C1QTNF3: variants seen among roughly 807,000 people sequenced by gnomAD.
The protein encoded by C1QTNF3 is complement C1q tumor necrosis factor-related protein 3.
In C1QTNF3, 26 loss-of-function variants were observed where a neutral mutation model predicts 32.6. That is an observed-to-expected ratio of 0.80 (90% confidence interval 0.58 to 1.11). The LOEUF (loss-of-function observed/expected upper bound fraction) is 1.11, where lower values mean the gene tolerates loss of function less well. Among genes scored for constraint, C1QTNF3 ranks in the 50% least tolerant of loss-of-function variants. The probability of loss-of-function intolerance (pLI) is 0.00; values close to 1 mark genes in which losing one functional copy is unlikely to be tolerated. For synonymous variants in C1QTNF3, 155 were observed against 146.0 expected (o/e 1.06, Z -0.44); for missense variants, 362 against 398.2 (o/e 0.91, Z 0.77).
At chr5:34,163,880 T>C in the C1QTNF3 span, among the ~76,000 whole-genome samples, 2 of 152,212 alleles carry the variant, frequency 1.3e-5, no homozygotes, top group East Asian at 3.9e-4. Context: ...ATGGTATCAA[T>C]GGAGCATACA....
At chr5:34,222,160 G>A in the C1QTNF3 span, among the ~76,000 whole-genome samples, 6 of 151,194 alleles carry the variant, frequency 4.0e-5, no homozygotes, top group African/African-American at 1.5e-4. Flanking sequence ...GATATTAGGG[G>A]AAAAAAAACT....
chr5:34,080,810 T>A, the C1QTNF3 span, among the ~76,000 whole-genome samples: 1 of 151,748 alleles, frequency 6.6e-6, no homozygotes, highest in African/African-American at 2.4e-5. Flanking sequence ...TCCACACACT[T>A]GGAGCTATCA....
At chr5:34,132,435 G>GTATATATATA in the C1QTNF3 span, among the ~76,000 whole-genome samples, 1,172 of 137,228 alleles carry the variant, frequency 8.5e-3, 12 homozygotes, top group East Asian at 0.02. Context: ...GTATGTGTAT[G>GTATATATATA]TATATATATA....
the C1QTNF3 span, among the ~76,000 whole-genome samples, chr5:34,062,229 C>T: frequency 6.6e-6 from 1 of 152,248 alleles, no homozygotes; most frequent in South Asian, 2.1e-4. Context: ...TCATAACAAC[C>T]CAGTTGCCCC....
chr5:34,032,694 G>A (rs1388771294), intron 3 of C1QTNF3, among the ~76,000 whole-genome samples: 1 of 152,172 alleles, frequency 6.6e-6, no homozygotes, highest in Non-Finnish European at 1.5e-5. Context: ...CTATAGGGAG[G>A]CTGAGGCAGG....
chr5:34,164,390 GATA>G, the C1QTNF3 span, among the ~76,000 whole-genome samples: 21 of 152,110 alleles, frequency 1.4e-4, no homozygotes, highest in South Asian at 2.1e-4. Flanking sequence ...TGGAGAAGAT[GATA>G]ATGTTTTTAG....
the C1QTNF3 span, among the ~76,000 whole-genome samples, chr5:34,157,711 A>T: frequency 6.6e-6 from 1 of 152,344 alleles, no homozygotes; most frequent in South Asian, 2.1e-4. Flanking sequence ...AGGAATGTCG[A>T]TAGCCTCTAG....
the C1QTNF3 span, among the ~76,000 whole-genome samples, chr5:34,137,918 C>T: frequency 6.6e-6 from 1 of 152,146 alleles, no homozygotes; most frequent in Non-Finnish European, 1.5e-5. Context: ...GAATGCAACC[C>T]ATTTGGAGAC....
chr5:34,087,403 G>A, the C1QTNF3 span, among the ~76,000 whole-genome samples: 5 of 151,982 alleles, frequency 3.3e-5, no homozygotes, highest in Admixed American at 3.3e-4. Context: ...AAGAGGAGCC[G>A]AATATTTTAT....
At chr5:34,089,402 A>T in the C1QTNF3 span, among the ~76,000 whole-genome samples, 3 of 152,104 alleles carry the variant, frequency 2.0e-5, no homozygotes, top group Non-Finnish European at 4.4e-5. Flanking sequence ...TTGAGAAGTG[A>T]TTAGGTCATG....
the C1QTNF3 span, among the ~76,000 whole-genome samples, chr5:34,175,192 C>G: frequency 6.6e-6 from 1 of 152,162 alleles, no homozygotes; most frequent in Non-Finnish European, 1.5e-5. Flanking sequence ...TACAGGCACA[C>G]ACCACCACAC....
chr5:34,087,938 G>A, the C1QTNF3 span, among the ~76,000 whole-genome samples: 4 of 152,172 alleles, frequency 2.6e-5, no homozygotes, highest in Non-Finnish European at 5.9e-5. Flanking sequence ...CCTGTAATAT[G>A]AAACCAATTA....
the C1QTNF3 span, among the ~76,000 whole-genome samples, chr5:34,131,989 C>T: frequency 6.6e-6 from 1 of 152,068 alleles, no homozygotes; most frequent in Non-Finnish European, 1.5e-5. Context: ...AATATTAAAA[C>T]ATTCGATAAA....
At chr5:34,208,221 C>T in the C1QTNF3 span, among the ~76,000 whole-genome samples, 5 of 152,356 alleles carry the variant, frequency 3.3e-5, no homozygotes, top group South Asian at 8.3e-4. Context: ...CAGTACTATT[C>T]TAAAATGTAG....
At chr5:34,230,883 A>C in the C1QTNF3 span, among the ~76,000 whole-genome samples, 1 of 152,178 alleles carries the variant, frequency 6.6e-6, no homozygotes, top group Non-Finnish European at 1.5e-5. Context: ...TCTTGTTTTT[A>C]ATCTAATTTT....
chr5:34,244,015 T>C, the C1QTNF3 span, among the ~76,000 whole-genome samples: 1 of 152,196 alleles, frequency 6.6e-6, no homozygotes, highest in African/African-American at 2.4e-5. Context: ...TAATATTTTT[T>C]AAGGGGGAAG....
At chr5:34,117,856 G>A in the C1QTNF3 span, among the ~76,000 whole-genome samples, 1 of 151,772 alleles carries the variant, frequency 6.6e-6, no homozygotes, top group African/African-American at 2.4e-5. Flanking sequence ...CATTCTTTGT[G>A]CTGTTATTGT....
chr5:34,042,105 T>C (rs1461894510), intron 1 of C1QTNF3, among the ~76,000 whole-genome samples: 1 of 151,556 alleles, frequency 6.6e-6, no homozygotes, highest in Non-Finnish European at 1.5e-5. Flanking sequence ...TATACTGAAA[T>C]CTTAACTCAC....
the C1QTNF3 span, among the ~76,000 whole-genome samples, chr5:34,078,185 G>A: frequency 6.6e-6 from 1 of 151,590 alleles, no homozygotes; most frequent in Non-Finnish European, 1.5e-5. This position sits in a 1 kb window ranked among gnomAD's most constrained non-coding sequence, Gnocchi z 4.0. Flanking sequence ...TTATTGGGGC[G>A]TGCTGCTAAT....
Sources: allele counts gnomAD v4.1 joint callset (sites outside exome capture counted in the v4.1 genomes callset), GRCh38; gene constraint gnomAD v4.1.1; non-coding constraint Gnocchi (gnomAD v3.1); transcripts MANE v1.5; gene names NCBI Gene and HGNC (gene_info 2026-07-23, HGNC 2026-07-21).